TSPEAR: variants seen among roughly 807,000 people sequenced by gnomAD.
TSPEAR encodes the protein thrombospondin-type laminin G domain and EAR repeat-containing protein.
In TSPEAR, 69 loss-of-function variants were observed where a neutral mutation model predicts 71.6. The ratio of observed to expected loss-of-function variants is 0.96; its 90% CI spans 0.79 to 1.18. TSPEAR has a LOEUF of 1.18. TSPEAR is among the 50% of genes most tolerant of loss of function. The pLI is 0.00. For missense variants in TSPEAR, 971 were observed against 894.9 expected (o/e 1.09, Z -1.09); for synonymous variants, 402 against 387.2 (o/e 1.04, Z -0.45).
At chr21:44,647,608 C>G in intron 1 of TSPEAR, 1 of 564,534 alleles carries the variant, frequency 1.8e-6, no homozygotes. Flanking sequence ...CCCAATGTGA[C>G]AAAGAAGAAC....
chr21:44,690,659 A>G (rs1240169845), intron 1 of TSPEAR: 1 of 881,098 alleles, frequency 1.1e-6, no homozygotes, highest in East Asian at 1.2e-4. Flanking sequence ...ATAAGCAGTA[A>G]ACATGACAGC....
rs587743819 is a variant in TSPEAR at position 44,499,657 on chromosome 21, C to A, written c.*126G>T. Reference sequence around the variant, plus strand: ...AGGGCCGCAGATGGCCCCACCTGCACCCTGCCTGATGCCCAGGCCCGGGAT... The same window carrying A: ...AGGGCCGCAGATGGCCCCACCTGCAACCTGCCTGATGCCCAGGCCCGGGAT... On this transcript the variant is annotated 3_prime_UTR_variant, in exon 12 of 12. Transcript: ENST00000323084. The A allele has an allele frequency of 1.9e-6, 2 of 1,065,814 alleles. No individual in the cohort carries two copies. The highest frequency in any genetic ancestry group is 2.6e-6 in the Non-Finnish European group (2 of 772,802). The allele number at this position is 1,065,814 out of a possible 1,614,324, so 66.0% of individuals were successfully genotyped here.
chr21:44,698,373 C>G lies in TSPEAR; in HGVS notation c.82+13060G>C, dbSNP rs1286242264. Among the ~76,000 whole-genome samples the G allele has an allele frequency of 3.9e-5, 6 of 152,324 alleles. No homozygotes were observed. The East Asian group carries it at 9.7e-4, about 25-fold the overall frequency. Reference sequence around the variant, plus strand: ...GATGCAGCCTCCTGGGGCCCTCGCGCCCAGTCTCAGCCCTTCTCCAGGCCC... The same window carrying G: ...GATGCAGCCTCCTGGGGCCCTCGCGGCCAGTCTCAGCCCTTCTCCAGGCCC... On this transcript the variant is annotated intron_variant, in intron 1 of 11. Transcript: ENST00000323084.
intron 1 of TSPEAR, chr21:44,690,689 T>A: frequency 1.4e-6 from 1 of 704,806 alleles, no homozygotes; most frequent in Non-Finnish European, 1.7e-6. Flanking sequence ...ACCATAAAAC[T>A]ATTAAGTAAG....
intron 11 of TSPEAR, among the ~76,000 whole-genome samples, chr21:44,502,606 G>GC (rs1480835350): frequency 2.0e-5 from 3 of 152,250 alleles, no homozygotes; most frequent in African/African-American, 7.2e-5. Context: ...ATGTCCACAC[G>GC]CCGCATCCCT....
At chr21:44,652,210 C>A (rs930753278) in intron 1 of TSPEAR, among the ~76,000 whole-genome samples, 1 of 152,176 alleles carries the variant, frequency 6.6e-6, no homozygotes, top group Non-Finnish European at 1.5e-5. Flanking sequence ...GTCTCGATCT[C>A]CTGACCTCGT....
intron 1 of TSPEAR, among the ~76,000 whole-genome samples, chr21:44,618,234 A>T (rs1555932929): frequency 1.3e-5 from 2 of 152,130 alleles, no homozygotes; most frequent in East Asian, 3.9e-4. Flanking sequence ...CAGTTTTATA[A>T]AGCAGTTTTC....
intron 1 of TSPEAR, among the ~76,000 whole-genome samples, chr21:44,599,134 TTC>T (rs58774528): frequency 0.044 from 4,095 of 92,238 alleles, 217 homozygotes; most frequent in African/African-American, 0.12. Context: ...GGCCCCCATT[TTC>T]TCTCTCTCTC....
At chr21:44,594,512 C>A (rs1306497163) in intron 1 of TSPEAR, among the ~76,000 whole-genome samples, 2 of 152,212 alleles carry the variant, frequency 1.3e-5, no homozygotes, top group African/African-American at 4.8e-5. Context: ...GTTCTTCATG[C>A]CTCTAAGTCC....
chr21:44,708,898 C>A (rs17213972), intron 1 of TSPEAR, among the ~76,000 whole-genome samples: 2 of 152,174 alleles, frequency 1.3e-5, no homozygotes, highest in African/African-American at 4.8e-5. Flanking sequence ...CCTTTCCTGG[C>A]GTGGATGCTG....
Position 44,533,983 on chromosome 21 carries a change from G to A in TSPEAR, c.304-60C>T, listed in dbSNP as rs587738328. 6.4e-4 allele frequency: 803 copies of A among 1,251,230 alleles called. 1 individual carries two copies. In the Middle Eastern group the frequency reaches 0.019, roughly 30 times the overall value. 77.5% of individuals were successfully genotyped at this position (1,251,230 alleles called of 1,614,324 possible). A position where few individuals can be genotyped will look rare whatever the true frequency, so the allele number is the denominator to read the frequency against. ...GGGGTAGGGGTCGGGTGCGGGGGCA[G>A]GGCAGATGGGAATGGCAGAGGTGAT... is the stretch of plus-strand genomic sequence containing the variant. On this transcript the variant is annotated intron_variant, in intron 2 of 11. Coordinates refer to ENST00000323084, the MANE Select transcript of TSPEAR (RefSeq NM_144991.3).
chr21:44,571,562 C>T (rs2053797565), intron 1 of TSPEAR, among the ~76,000 whole-genome samples: 1 of 152,148 alleles, frequency 6.6e-6, no homozygotes, highest in African/African-American at 2.4e-5. Flanking sequence ...CCTTCGTCCA[C>T]CAAGAGGAAG....
In TSPEAR at chr21:44,710,078, C is replaced by G. The variant is rs1244072873; in HGVS notation, c.82+1355G>C. Among the ~76,000 whole-genome samples the G allele has an allele frequency of 6.6e-6, 1 of 152,198 alleles. No individual in the cohort carries two copies. The stretch of plus-strand genomic sequence containing the variant: ...ATACATGTCTGTGACTCATGCCCCC[C>G]CACCCCCACTCCAGGGTGTGCTGAG... On this transcript the variant is annotated intron_variant, in intron 1 of 11. Transcript: ENST00000323084. The surrounding 1 kb of genome is among the most constrained non-coding windows in gnomAD (Gnocchi z 4.6).
In TSPEAR at chr21:44,548,900, G is replaced by T. The variant is rs587640976; in HGVS notation, c.304-14977C>A. Reference sequence around the variant, plus strand: ...TGTACCTGAGTGTGGAAAGGTATATGGTAGAAACACCCACAGAGGTGTTAG... The same window carrying T: ...TGTACCTGAGTGTGGAAAGGTATATTGTAGAAACACCCACAGAGGTGTTAG... On this transcript the variant is annotated intron_variant, in intron 2 of 11. Transcript: ENST00000323084. Among the ~76,000 whole-genome samples the T allele has an allele frequency of 3.9e-5, 6 of 152,326 alleles. No homozygotes were observed. The South Asian group carries it at 1.2e-3, about 32-fold the overall frequency.
At chr21:44,703,077 C>T (rs541399017) in intron 1 of TSPEAR, among the ~76,000 whole-genome samples, 1 of 152,342 alleles carries the variant, frequency 6.6e-6, no homozygotes, top group South Asian at 2.1e-4. Context: ...CCCCCCTGCC[C>T]TTCTCCTCCA....
chr21:44,650,420 C>CGGCGGCAGAGACTGGGGCCACGTGACAAT (rs1984709795), intron 1 of TSPEAR, among the ~76,000 whole-genome samples: 27 of 149,428 alleles, frequency 1.8e-4, no homozygotes, highest in Admixed American at 1.7e-3. Flanking sequence ...CATGTGACGA[C>CGGCGGCAGAGACTGGGGCCACGTGACAAT]GGCGGCAGAG....
At chr21:44,697,907 T>C in intron 1 of TSPEAR, 5 of 1,612,504 alleles carry the variant, frequency 3.1e-6, no homozygotes, top group Non-Finnish European at 3.4e-6. Context: ...GTCCCTCCTC[T>C]GCCGCCCCAC....
chr21:44,587,097 C>A (rs1199469329), intron 1 of TSPEAR, among the ~76,000 whole-genome samples: 3 of 152,218 alleles, frequency 2.0e-5, no homozygotes, highest in African/African-American at 7.2e-5. Flanking sequence ...GGAAGTCAAA[C>A]TGTCGCTGTT....
chr21:44,618,436 C>G (rs1236320286), intron 1 of TSPEAR, among the ~76,000 whole-genome samples: 1 of 152,314 alleles, frequency 6.6e-6, no homozygotes, highest in East Asian at 1.9e-4. Context: ...AGGACTAATA[C>G]ACAAACAAAC....
Sources: allele counts gnomAD v4.1 joint callset (sites outside exome capture counted in the v4.1 genomes callset), GRCh38; gene constraint gnomAD v4.1.1; non-coding constraint Gnocchi (gnomAD v3.1); transcripts MANE v1.5; gene names NCBI Gene and HGNC (gene_info 2026-07-23, HGNC 2026-07-21).